Variants in ALDH1A2 observed in about 807,000 individuals in gnomAD.
ALDH1A2 encodes aldehyde dehydrogenase 1 family member A2, also known as retinal dehydrogenase 2.
In ALDH1A2, 27 loss-of-function variants were observed where a neutral mutation model predicts 60.3. The observed-to-expected ratio is 0.45, with a 90% confidence interval of 0.33 to 0.62. The LOEUF (loss-of-function observed/expected upper bound fraction) is 0.62, where lower values mean the gene tolerates loss of function less well. Ranked by LOEUF, ALDH1A2 falls within the 20% of genes least tolerant of loss-of-function variation. The pLI is 0.02. For synonymous variants in ALDH1A2, 289 were observed against 232.4 expected (o/e 1.24, Z -2.21); for missense variants, 581 against 643.8 (o/e 0.90, Z 1.06).
chr15:58,037,146 T>C (rs1445972700), intron 1 of ALDH1A2, among the ~76,000 whole-genome samples: 1 of 151,444 alleles, frequency 6.6e-6, no homozygotes, highest in Non-Finnish European at 1.5e-5. Flanking sequence ...TCAAAGTAAG[T>C]AGAATATGTA....
In ALDH1A2 at chr15:58,021,683, G is replaced by A. The variant is rs905062111; in HGVS notation, c.118-7402C>T. ...AAACCTAGCCTTTGACAAACGTCGT[G>A]CTGTCCTGGGGCCCAGCAGTTCCAG... On this transcript the variant is annotated intron_variant, in intron 1 of 12. Transcript: ENST00000249750. Among the ~76,000 whole-genome samples, 3 of 152,228 alleles carry A rather than the reference G, an allele frequency of 2.0e-5. No individual in the cohort carries two copies. The South Asian group carries it at 6.2e-4, about 32-fold the overall frequency.
At chr15:58,031,383 T>C (rs1445225477) in intron 1 of ALDH1A2, among the ~76,000 whole-genome samples, 5 of 152,180 alleles carry the variant, frequency 3.3e-5, no homozygotes, top group African/African-American at 1.2e-4. Context: ...ATTAAAGACT[T>C]AAATGTTAGA....
intron 4 of ALDH1A2, among the ~76,000 whole-genome samples, chr15:58,007,316 C>A (rs1895492477): frequency 6.6e-6 from 1 of 151,874 alleles, no homozygotes; most frequent in Non-Finnish European, 1.5e-5. Flanking sequence ...GAGAATAAAC[C>A]ATATATTAGT....
intron 12 of ALDH1A2, among the ~76,000 whole-genome samples, chr15:57,955,477 TTTTAAAAC>T (rs1226016764): frequency 2.0e-5 from 3 of 152,346 alleles, no homozygotes; most frequent in African/African-American, 7.2e-5. Flanking sequence ...AAAGAAGTTT[TTTTAAAAC>T]TTTAAAGTTT....
intron 7 of ALDH1A2, 110 bp from the exon 8 acceptor site, chr15:57,965,937 G>C: frequency 1.2e-6 from 1 of 822,110 alleles, no homozygotes; most frequent in South Asian, 1.4e-5. Context: ...AACCCTAAAA[G>C]GCAAGCCAAC....
In ALDH1A2 at chr15:58,004,702, TGC is replaced by T. The variant is rs1491535437; in HGVS notation, c.493+5945_493+5946del. ...TGTAGTATCCCATGATTTGTGTGTGTGCGTGTGTGTGTGTGTGTATATATATA... is the reference window on the plus strand; with the variant it reads ...TGTAGTATCCCATGATTTGTGTGTGTGTGTGTGTGTGTGTGTATATATATA... On this transcript the variant is annotated intron_variant, in intron 4 of 12. Coordinates refer to ENST00000249750, the MANE Select transcript of ALDH1A2 (RefSeq NM_003888.4). Among the ~76,000 whole-genome samples, 1,066 of 110,522 alleles carry T rather than the reference TGC, an allele frequency of 9.6e-3. 12 individuals carry two copies. The highest frequency in any genetic ancestry group is 0.031 in the East Asian group (84 of 2,736). 72.5% of individuals were successfully genotyped at this position (110,522 alleles called of 152,430 possible).
rs1895142795 is a variant in ALDH1A2, at chr15:57,998,499, A to C, written c.494-3360T>G. On this transcript the variant is annotated intron_variant, in intron 4 of 12. Coordinates refer to ENST00000249750, the MANE Select transcript of ALDH1A2 (RefSeq NM_003888.4). ...CCTAAGAAATACAGCTAATAAAGGA[A>C]GTGAAGGACCTCTTCAAGGAGAACT... 2.6e-5 allele frequency among the ~76,000 whole-genome samples: 4 copies of C among 151,984 alleles called. No individual in the cohort carries two copies. In the South Asian group the frequency reaches 8.3e-4, roughly 31 times the overall value.
chr15:58,005,026 G>A (rs1353670169), intron 4 of ALDH1A2, among the ~76,000 whole-genome samples: 1 of 151,706 alleles, frequency 6.6e-6, no homozygotes, highest in Non-Finnish European at 1.5e-5. Context: ...TATTTAATTT[G>A]GTGACTCACT....
At chr15:57,991,008 T>C (rs977336925) in intron 7 of ALDH1A2, among the ~76,000 whole-genome samples, 17 of 152,172 alleles carry the variant, frequency 1.1e-4, no homozygotes, top group African/African-American at 4.1e-4. Flanking sequence ...TCTTTTGATA[T>C]AGAACCAAGA....
At chr15:58,016,225 C>T (rs1202338051) in intron 1 of ALDH1A2, among the ~76,000 whole-genome samples, 1 of 151,776 alleles carries the variant, frequency 6.6e-6, no homozygotes, top group Non-Finnish European at 1.5e-5. Context: ...TCAATGCAAC[C>T]TCTGCCGCCC....
rs1897119113 is a variant in ALDH1A2, at chr15:58,064,385, C to A, written c.117+1149G>T. On this transcript the variant is annotated intron_variant, in intron 1 of 12. Coordinates refer to ENST00000249750, the MANE Select transcript of ALDH1A2 (RefSeq NM_003888.4). ...AAACACAAATCGCCCTGATTTGTAA[C>A]CTAAAACTCAATGCAAGTAAAATCT... 2.0e-5 allele frequency among the ~76,000 whole-genome samples: 3 copies of A among 152,150 alleles called. No homozygotes were observed. In the South Asian group the frequency reaches 6.2e-4, roughly 31 times the overall value.
chr15:57,971,994 T>A (rs1345585031), intron 7 of ALDH1A2, among the ~76,000 whole-genome samples: 2 of 152,344 alleles, frequency 1.3e-5, no homozygotes, highest in East Asian at 1.9e-4. Flanking sequence ...TCTCCCAAAG[T>A]GCTAGAATTA....
intron 11 of ALDH1A2, 41 bp from the exon 12 acceptor site, chr15:57,960,885 C>CAGATTA: frequency 1.3e-6 from 2 of 1,567,004 alleles, no homozygotes; most frequent in Non-Finnish European, 1.8e-6. Flanking sequence ...CGTGTGAAGT[C>CAGATTA]TGAGCACATA....
At chr15:58,023,519 G>A (rs1305586300) in intron 1 of ALDH1A2, among the ~76,000 whole-genome samples, 2 of 152,092 alleles carry the variant, frequency 1.3e-5, no homozygotes, top group East Asian at 1.9e-4. Context: ...TGAAGTCAAT[G>A]ATAAAGAGAA....
intron 7 of ALDH1A2, among the ~76,000 whole-genome samples, chr15:57,967,109 G>A (rs981403212): frequency 1.6e-4 from 25 of 151,768 alleles, no homozygotes; most frequent in Non-Finnish European, 2.4e-4. Context: ...TGGGACTAAC[G>A]ACTTCGCAGG....
intron 1 of ALDH1A2, among the ~76,000 whole-genome samples, chr15:58,017,577 A>G (rs1007536975): frequency 1.3e-5 from 2 of 152,168 alleles, no homozygotes; most frequent in South Asian, 2.1e-4. Context: ...GCTATAACCT[A>G]CTAGAGATCT....
intron 1 of ALDH1A2, 148 bp downstream of exon 1, chr15:58,065,386 C>T: frequency 1.3e-6 from 1 of 783,642 alleles, no homozygotes; most frequent in South Asian, 1.4e-5. Flanking sequence ...CGAAGACAGG[C>T]AGGGGGTCCC....
At chr15:57,991,105 T>TA (rs2140489116) in intron 7 of ALDH1A2, among the ~76,000 whole-genome samples, 1 of 152,288 alleles carries the variant, frequency 6.6e-6, no homozygotes, top group East Asian at 1.9e-4. Context: ...TCAATTTCCT[T>TA]AAAGTGAAGT....
At chr15:58,004,178 G>C (rs971842166) in intron 4 of ALDH1A2, among the ~76,000 whole-genome samples, 2 of 151,706 alleles carry the variant, frequency 1.3e-5, no homozygotes, top group East Asian at 3.9e-4. Flanking sequence ...TACCCTTTAC[G>C]GGGAGAAATT....
Sources: allele counts gnomAD v4.1 joint callset (sites outside exome capture counted in the v4.1 genomes callset), GRCh38; gene constraint gnomAD v4.1.1; transcripts MANE v1.5; gene names NCBI Gene and HGNC (gene_info 2026-07-23, HGNC 2026-07-21).